Variants in COL6A6 observed in about 807,000 individuals in gnomAD.
COL6A6 encodes the protein collagen alpha-6(VI) chain.
In COL6A6, 183 loss-of-function variants were observed where a neutral mutation model predicts 208.6. The observed-to-expected ratio is 0.88, with a 90% CI of 0.78 to 0.99. The LOEUF (loss-of-function observed/expected upper bound fraction) is 0.99. Among genes scored for constraint, COL6A6 ranks in the 50% least tolerant of loss-of-function variants. The probability of loss-of-function intolerance (pLI) is 0.00; values close to 1 mark genes in which losing one functional copy is unlikely to be tolerated. For synonymous variants in COL6A6, 973 were observed against 1,011.8 expected (o/e 0.96, Z 0.73); for missense variants, 2,816 against 2,815.2 (o/e 1.00, Z -0.01).
chr3:130,556,116 G>A (rs1036212953), intron 1 of COL6A6, among the ~76,000 whole-genome samples: 8 of 152,132 alleles, frequency 5.3e-5, no homozygotes, highest in Non-Finnish European at 1.0e-4. Flanking sequence ...GCTCCTACTT[G>A]CAAGTGAGAA....
Position 130,675,269 on chromosome 3 carries a change from G to A in COL6A6, c.6664G>A (p.Asp2222Asn), listed in dbSNP as rs779321669. Residue 2222 changes from aspartate (D) to asparagine (N), a missense_variant, in exon 37 of 37, where the codon GAT (aspartate) becomes AAT (asparagine). Physicochemically the swap from Asp to Asn is conservative, Grantham distance 23. Coordinates refer to ENST00000358511, the MANE Select transcript of COL6A6 (RefSeq NM_001102608.3). ...ATTACAGAAGGCAAAATTCTTTCAAGATAAAAAATATCTTTCAAGAGTAGC... is the reference window on the plus strand; with the variant it reads ...ATTACAGAAGGCAAAATTCTTTCAAAATAAAAAATATCTTTCAAGAGTAGC... ...DVLQKAKFFQDKKYLSRVARS... is the reference protein window; with the variant it reads ...DVLQKAKFFQNKKYLSRVARS... 4 of 1,585,820 alleles carry A rather than the reference G, an allele frequency of 2.5e-6. No individual in the cohort carries two copies. The African/African-American group carries it at 4.0e-5, about 16-fold the overall frequency.
chr3:130,581,653 C>T lies in COL6A6; in HGVS notation c.3640C>T (p.Leu1214Phe), dbSNP rs2108002722. ...LEGQPWMETY[L>F]QDILRAISSL... is the part of the protein sequence containing the mutation. ...AGGTCAGCCTTGGATGGAAACCTACCTTCAAGACATCTTACGTGCCATCAG... is the reference window on the plus strand; with the variant it reads ...AGGTCAGCCTTGGATGGAAACCTACTTTCAAGACATCTTACGTGCCATCAG... The change falls in exon 9 of 37, where the codon CTT becomes TTT. Residue 1214 changes from leucine (L) to phenylalanine (F), a missense_variant. Physicochemically the swap from Leu to Phe is conservative, Grantham distance 22. Coordinates refer to ENST00000358511, the MANE Select transcript of COL6A6 (RefSeq NM_001102608.3). The T allele has an allele frequency of 6.2e-7, 1 of 1,613,976 alleles. No homozygotes were observed. The highest frequency in any genetic ancestry group is 2.2e-5 in the East Asian group (1 of 44,882).
chr3:130,517,424 A>G (rs369928964), intron 1 of COL6A6, among the ~76,000 whole-genome samples, 27 bp downstream of exon 1: 4 of 152,266 alleles, frequency 2.6e-5, no homozygotes, highest in East Asian at 1.9e-4. Flanking sequence ...ACGCTGGGAC[A>G]GCAAGAGCCA....
At chr3:130,546,400 G>T (rs985389807) in intron 1 of COL6A6, among the ~76,000 whole-genome samples, 1 of 152,162 alleles carries the variant, frequency 6.6e-6, no homozygotes, top group South Asian at 2.1e-4. Context: ...CGAGGTGAGT[G>T]TTTACAGCTC....
At chr3:130,556,970 AT>A (rs1027507178) in intron 1 of COL6A6, among the ~76,000 whole-genome samples, 1 of 152,094 alleles carries the variant, frequency 6.6e-6, no homozygotes, top group Non-Finnish European at 1.5e-5. Flanking sequence ...AATTATTCAT[AT>A]TTTTATTTAT....
intron 21 of COL6A6, 112 bp from the exon 22 acceptor site, chr3:130,608,790 T>TC (rs1288664618): frequency 1.0e-5 from 2 of 194,976 alleles, no homozygotes; most frequent in African/African-American, 5.3e-5. Context: ...TTTTTTTTTT[T>TC]GCAAAGATCC....
chr3:130,592,682 C>G lies in COL6A6; in HGVS notation c.4345-14C>G. On this transcript the variant is annotated splice_polypyrimidine_tract_variant and intron_variant, in intron 14 of 36. Coordinates refer to ENST00000358511, the MANE Select transcript of COL6A6 (RefSeq NM_001102608.3). The stretch of plus-strand genomic sequence containing the variant: ...ATTTTCCTACACTAACTATAACTGT[C>G]CTTTTATTTTCAGGGAAACAGAGGA... 1 of 1,612,984 alleles carries G rather than the reference C, an allele frequency of 6.2e-7. No individual in the cohort carries two copies. Among genetic ancestry groups the G allele is most frequent in the Non-Finnish European group, 8.5e-7 (1 of 1,179,230 alleles).
chr3:130,581,111 T>G (rs1459615342), intron 8 of COL6A6, among the ~76,000 whole-genome samples: 1 of 152,158 alleles, frequency 6.6e-6, no homozygotes, highest in Non-Finnish European at 1.5e-5. Context: ...ATGAGTCCTT[T>G]GTGATTTATT....
intron 21 of COL6A6, 81 bp downstream of exon 21, chr3:130,607,047 T>C: frequency 8.9e-7 from 1 of 1,125,970 alleles, no homozygotes; most frequent in Non-Finnish European, 1.3e-6. Flanking sequence ...CTGTAAAGTC[T>C]CTAAACTTCC....
chr3:130,533,253 T>TTAAAA (rs745978217), intron 1 of COL6A6, among the ~76,000 whole-genome samples: 4 of 129,530 alleles, frequency 3.1e-5, no homozygotes, highest in Non-Finnish European at 6.5e-5. Context: ...TCCCAGGAAT[T>TTAAAA]AAAAAAAAAA....
At chr3:130,599,102 C>G (rs1417041298) in intron 19 of COL6A6, among the ~76,000 whole-genome samples, 1 of 152,034 alleles carries the variant, frequency 6.6e-6, no homozygotes, top group African/African-American at 2.4e-5. Context: ...TCTGTAAACC[C>G]CAATTTTCTT....
chr3:130,634,187 C>G (rs1322890267), intron 26 of COL6A6, among the ~76,000 whole-genome samples: 1 of 44,870 alleles, frequency 2.2e-5, no homozygotes. Context: ...AAATAAATCT[C>G]AAGCTATAAA....
rs1289985758 is a variant in COL6A6, at chr3:130,621,801, A to C, written c.4816-20A>C. The C allele has an allele frequency of 1.2e-6, 2 of 1,610,890 alleles. No individual in the cohort carries two copies. The highest frequency in any genetic ancestry group is 2.2e-5 in the South Asian group (2 of 90,806). The stretch of plus-strand genomic sequence containing the variant: ...TGCTTTATGTTTTGCTATATTTGCA[A>C]ACCCCTTGTTTTGTTTCAGGGGCCT... On this transcript the variant is annotated intron_variant, in intron 23 of 36. Coordinates refer to ENST00000358511, the MANE Select transcript of COL6A6 (RefSeq NM_001102608.3).
chr3:130,566,770 G>T lies in COL6A6; in HGVS notation c.1351G>T (p.Asp451Tyr). 6.2e-7 allele frequency: 1 copy of T among 1,614,022 alleles called. No individual in the cohort carries two copies. Among genetic ancestry groups the T allele is most frequent in the Non-Finnish European group, 8.5e-7 (1 of 1,179,900 alleles). Residue 451 changes from aspartate (D) to tyrosine (Y), a missense_variant, in exon 5 of 37, where the codon GAT becomes TAT. Transcript: ENST00000358511. ...IDGSGSTQAT[D>Y]FHEMKTFLSE... ...TGGCTCAGGGAGCACCCAGGCCACA[G>T]ATTTCCATGAAATGAAGACGTTCCT...
intron 1 of COL6A6, among the ~76,000 whole-genome samples, chr3:130,539,578 G>A (rs930804647): frequency 1.3e-5 from 2 of 151,190 alleles, no homozygotes; most frequent in Non-Finnish European, 2.9e-5. Flanking sequence ...AGGTTGCAGT[G>A]AGCCAAGTCG....
intron 1 of COL6A6, among the ~76,000 whole-genome samples, chr3:130,534,277 T>C (rs1023719216): frequency 3.3e-5 from 5 of 152,186 alleles, no homozygotes; most frequent in Non-Finnish European, 7.4e-5. Flanking sequence ...AGGCTAAGGA[T>C]CTTTTCATGT....
intron 11 of COL6A6, among the ~76,000 whole-genome samples, chr3:130,587,417 A>G (rs1215622030): frequency 1.3e-5 from 2 of 152,268 alleles, no homozygotes; most frequent in Middle Eastern, 3.4e-3. Context: ...GCCCGCCACC[A>G]TGCCCGGCTA....
At chr3:130,557,157 T>C (rs2062784333) in intron 1 of COL6A6, among the ~76,000 whole-genome samples, 1 of 151,960 alleles carries the variant, frequency 6.6e-6, no homozygotes, top group South Asian at 2.1e-4. Context: ...TGTGCACTTT[T>C]CACTCAGCCA....
chr3:130,600,181 A>G (rs917998684), intron 20 of COL6A6, among the ~76,000 whole-genome samples: 1 of 152,208 alleles, frequency 6.6e-6, no homozygotes, highest in African/African-American at 2.4e-5. Context: ...CTATTAAGAA[A>G]AGTAAGAATG....
Sources: gnomAD v4.1 joint callset for allele counts (sites outside exome capture counted in the v4.1 genomes callset) on GRCh38, gnomAD v4.1.1 for gene constraint, MANE v1.5 for transcripts, NCBI Gene and HGNC (gene_info 2026-07-23, HGNC 2026-07-21) for gene names.